Variants in CAMTA1 observed in about 807,000 individuals in gnomAD.
The protein encoded by CAMTA1 is calmodulin binding transcription activator 1.
In CAMTA1, 27 loss-of-function variants were observed where a neutral mutation model predicts 170.9. The observed-to-expected ratio is 0.16, with a 90% CI of 0.12 to 0.22. The LOEUF (loss-of-function observed/expected upper bound fraction) is 0.22, where lower values mean the gene tolerates loss of function less well. Among genes scored for constraint, CAMTA1 ranks in the 10% least tolerant of loss-of-function variants. The probability of loss-of-function intolerance (pLI) is 1.00; values close to 1 mark genes in which losing one functional copy is unlikely to be tolerated. For synonymous variants in CAMTA1, 833 were observed against 891.5 expected (o/e 0.93, Z 1.17); for missense variants, 1,619 against 2,217.2 (o/e 0.73, Z 5.42).
At chr1:7,270,577 T>A (rs1669655745) in intron 5 of CAMTA1, among the ~76,000 whole-genome samples, 1 of 152,200 alleles carries the variant, frequency 6.6e-6, no homozygotes, top group Non-Finnish European at 1.5e-5. Context: ...ATTATAGGCA[T>A]GAGCCACTGT....
chr1:7,240,872 G>A (rs897309111), intron 4 of CAMTA1, among the ~76,000 whole-genome samples: 3 of 152,268 alleles, frequency 2.0e-5, no homozygotes, highest in African/African-American at 4.8e-5. Flanking sequence ...ATGAAAGACT[G>A]TATGCTTCCC....
chr1:7,488,971 GCA>G (rs534918581), intron 6 of CAMTA1, among the ~76,000 whole-genome samples: 1 of 151,150 alleles, frequency 6.6e-6, no homozygotes, highest in African/African-American at 2.4e-5. Flanking sequence ...ATACATACAA[GCA>G]CACACACACA....
intron 3 of CAMTA1, among the ~76,000 whole-genome samples, chr1:7,075,570 G>A (rs1490025614): frequency 1.3e-5 from 2 of 151,908 alleles, no homozygotes; most frequent in Non-Finnish European, 2.9e-5. Context: ...TTCCTTCCCT[G>A]CTGTCACATT....
At chr1:7,480,340 T>TATGTGC (rs1239941688) in intron 6 of CAMTA1, among the ~76,000 whole-genome samples, 2 of 151,816 alleles carry the variant, frequency 1.3e-5, no homozygotes, top group African/African-American at 4.8e-5. Context: ...AGTGCATGTA[T>TATGTGC]ATGTGCATGT....
rs538578716 is a variant in CAMTA1 at position 7,642,601 on chromosome 1, C to T, written c.664+2048C>T. On this transcript the variant is annotated intron_variant, in intron 7 of 22. Coordinates refer to ENST00000303635, the MANE Select transcript of CAMTA1 (RefSeq NM_015215.4). The surrounding 1 kb of genome is among the most constrained non-coding windows in gnomAD (Gnocchi z 6.3). Reference sequence around the variant, plus strand: ...GGGGGCCTACTGATACTTTCTCTGCCGCAGAGCCTCAGCTGGGCCAGCGCT... The same window carrying T: ...GGGGGCCTACTGATACTTTCTCTGCTGCAGAGCCTCAGCTGGGCCAGCGCT... Among the ~76,000 whole-genome samples, 2 of 152,152 alleles carry T rather than the reference C, an allele frequency of 1.3e-5. No individual in the cohort carries two copies. Among genetic ancestry groups the T allele is most frequent in the African/African-American group, 2.4e-5 (1 of 41,434 alleles).
chr1:7,414,004 A>AT (rs1557674818), intron 5 of CAMTA1, among the ~76,000 whole-genome samples: 1 of 152,144 alleles, frequency 6.6e-6, no homozygotes, highest in Non-Finnish European at 1.5e-5. Context: ...TTCTGCATCT[A>AT]TTGAGATAAT....
At chr1:7,614,553 T>C (rs534482862) in intron 6 of CAMTA1, among the ~76,000 whole-genome samples, 10 of 152,292 alleles carry the variant, frequency 6.6e-5, no homozygotes, top group African/African-American at 1.2e-4. Context: ...CCATTGGCGC[T>C]GACACGCTGA....
intron 3 of CAMTA1, among the ~76,000 whole-genome samples, chr1:7,001,283 C>G (rs1698173380): frequency 1.3e-5 from 2 of 152,144 alleles, no homozygotes; most frequent in Admixed American, 1.3e-4. Flanking sequence ...CTCTCCAGGT[C>G]CCAGGACAAT....
Position 7,744,986 on chromosome 1 carries a change from C to A in CAMTA1, c.4334C>A (p.Ala1445Glu), listed in dbSNP as rs376094031. The change falls in exon 17 of 23, where the codon GCG becomes GAG. Residue 1445 changes from alanine to glutamate, a missense_variant. By Grantham distance (107) the Ala-to-Glu change is moderately radical. Transcript: ENST00000303635. ...ATGAGCTGGCTGGCCAGTTATCTAG[C>A]GGATGCTGACTGCCTTCCCAGTGCT... ...STMSWLASYLADADCLPSAAQ... is the reference protein window; with the variant it reads ...STMSWLASYLEDADCLPSAAQ... 19 of 1,613,740 alleles carry A rather than the reference C, an allele frequency of 1.2e-5. No homozygotes were observed. The highest frequency in any genetic ancestry group is 1.3e-5 in the African/African-American group (1 of 74,894).
chr1:7,238,535 C>G (rs952116014), intron 4 of CAMTA1, among the ~76,000 whole-genome samples: 4 of 152,200 alleles, frequency 2.6e-5, no homozygotes, highest in African/African-American at 9.7e-5. Context: ...CCCAGGGCTC[C>G]CAGGGGCTCA....
At position 6,909,271 on chromosome 1, in the gene CAMTA1, A is replaced by G. The variant is rs537610509; in HGVS notation, c.234+84061A>G. ...CAAAGTCACCTAATACTACTTAATAATACCTAGTACCTAATATTTGGATAC... is the reference window on the plus strand; with the variant it reads ...CAAAGTCACCTAATACTACTTAATAGTACCTAGTACCTAATATTTGGATAC... On this transcript the variant is annotated intron_variant, in intron 3 of 22. Transcript: ENST00000303635. 1.9e-3 allele frequency among the ~76,000 whole-genome samples: 289 copies of G among 152,366 alleles called. 1 individual carries two copies. The Middle Eastern group carries it at 0.024, about 13-fold the overall frequency.
intron 22 of CAMTA1, among the ~76,000 whole-genome samples, chr1:7,762,385 ACT>A (rs2096983144): frequency 6.6e-6 from 1 of 152,026 alleles, no homozygotes; most frequent in South Asian, 2.1e-4. Flanking sequence ...CATTTGAAAC[ACT>A]CTGATTTGAA....
intron 5 of CAMTA1, among the ~76,000 whole-genome samples, chr1:7,328,970 A>G (rs948788105): frequency 3.3e-5 from 5 of 152,172 alleles, no homozygotes; most frequent in African/African-American, 1.2e-4. Context: ...GCTGGTTCTC[A>G]CATATGGAGA....
chr1:6,894,777 T>TG (rs1351723225), intron 3 of CAMTA1, among the ~76,000 whole-genome samples: 1 of 152,218 alleles, frequency 6.6e-6, no homozygotes, highest in Non-Finnish European at 1.5e-5. Context: ...GAATGCTAAA[T>TG]GGGGGTTCCT....
At chr1:7,733,874 G>T (rs1244130760) in intron 12 of CAMTA1, among the ~76,000 whole-genome samples, 1 of 152,114 alleles carries the variant, frequency 6.6e-6, no homozygotes. Flanking sequence ...TTTTCATATT[G>T]CTCCCCTGTC....
intron 11 of CAMTA1, among the ~76,000 whole-genome samples, chr1:7,689,267 C>A (rs376543992): frequency 7.0e-4 from 92 of 132,016 alleles, no homozygotes; most frequent in Admixed American, 8.5e-4. Flanking sequence ...AACTCCTTCT[C>A]AAAAAAAAAA....
intron 6 of CAMTA1, among the ~76,000 whole-genome samples, chr1:7,632,786 C>T (rs2095680288): frequency 6.6e-6 from 1 of 152,238 alleles, no homozygotes; most frequent in East Asian, 1.9e-4. Flanking sequence ...CTTGAGTCCC[C>T]TCCGTGGGTC....
At chr1:7,091,636 G>C (rs903792503) in intron 4 of CAMTA1, among the ~76,000 whole-genome samples, 4 of 152,242 alleles carry the variant, frequency 2.6e-5, no homozygotes, top group Non-Finnish European at 5.9e-5. Flanking sequence ...TGCTTGGAAG[G>C]CTTCACAGGC....
intron 6 of CAMTA1, among the ~76,000 whole-genome samples, chr1:7,549,709 G>A (rs549379347): frequency 2.6e-5 from 4 of 152,138 alleles, no homozygotes; most frequent in East Asian, 1.9e-4. Flanking sequence ...CCTGTGGGCC[G>A]GGAGAGACAA....
Sources: gnomAD v4.1 joint callset for allele counts (sites outside exome capture counted in the v4.1 genomes callset) on GRCh38, gnomAD v4.1.1 for gene constraint, Gnocchi (gnomAD v3.1) non-coding constraint, MANE v1.5 for transcripts, NCBI Gene and HGNC (gene_info 2026-07-23, HGNC 2026-07-21) for gene names.